The following SLC25A53 variants were observed in gnomAD, a reference collection of about 807,000 sequenced individuals.
The protein encoded by SLC25A53 is solute carrier family 25 member 53.
Under a neutral mutation model 15.0 loss-of-function variants are expected in SLC25A53, and 5 were observed. That is an observed-to-expected ratio of 0.33 (90% confidence interval 0.17 to 0.70). SLC25A53 has a LOEUF of 0.70. SLC25A53 is among the 30% of genes least tolerant of loss of function. The pLI is 0.67. For missense variants in SLC25A53, 216 were observed against 241.6 expected (o/e 0.89, Z 0.70); for synonymous variants, 95 against 100.0 (o/e 0.95, Z 0.30).
chrX:104,107,482 A>T (rs369138764), intron 1 of SLC25A53, among the ~76,000 whole-genome samples: 1 of 112,305 alleles, frequency 8.9e-6, no homozygotes, highest in East Asian at 2.8e-4. Flanking sequence ...ATTTCTCCAG[A>T]GCCAAAGGGG....
intron 1 of SLC25A53, among the ~76,000 whole-genome samples, chrX:104,117,965 T>TC (rs113106743): frequency 0.057 from 6,339 of 110,647 alleles, 470 homozygotes; most frequent in African/African-American, 0.2. Flanking sequence ...CCCCTTTCCT[T>TC]CCCCCCCATC....
chrX:104,114,043 C>G, intron 1 of SLC25A53: 1 of 1,200,499 alleles, frequency 8.3e-7, no homozygotes, highest in Non-Finnish European at 1.1e-6. Flanking sequence ...TTTGGAGAAT[C>G]CTGCAGATAA....
In SLC25A53 at chrX:104,101,410, C is replaced by T. The variant is rs2075279846; in HGVS notation, c.*2924G>A. 1 of 111,861 alleles carries T rather than the reference C, an allele frequency of 8.9e-6. No individual in the cohort carries two copies. Among genetic ancestry groups the T allele is most frequent in the African/African-American group, 3.3e-5 (1 of 30,720 alleles). 9.2% of individuals were successfully genotyped at this position (111,861 alleles called of 1,213,427 possible). On this transcript the variant is annotated 3_prime_UTR_variant, in exon 2 of 2. Coordinates refer to ENST00000594199, the MANE Select transcript of SLC25A53 (RefSeq NM_001012755.5). ...GGGAATGAGGCTGTTAAGTCCCAAC[C>T]CTCTAATGGTGCCTTGGTCTTCCTG...
In SLC25A53 at chrX:104,104,961, A is replaced by G. The variant is rs2075300603; in HGVS notation, c.297T>C (p.Tyr99=). ...GAGAGAGAAAGCACAGCAGGCTATC[A>G]TAAGTCCCAAACAGAAGAGTCCCTT... ...TLQGTLLFGT[Y]DSLLCFLSPV... Residue 99 remains tyrosine (Y), a synonymous_variant, in exon 2 of 2, where the codon TAT becomes TAC. Coordinates refer to ENST00000594199, the MANE Select transcript of SLC25A53 (RefSeq NM_001012755.5). 3 of 1,211,612 alleles carry G rather than the reference A, an allele frequency of 2.5e-6. No individual in the cohort carries two copies. Among genetic ancestry groups the G allele is most frequent in the Non-Finnish European group, 3.3e-6 (3 of 895,525 alleles).
rs1304400645 is a variant in SLC25A53, at chrX:104,104,766, A to G, written c.492T>C (p.Tyr164=). The stretch of plus-strand genomic sequence containing the variant: ...CCAGTGACAGCCGCCCCCAAAGCCC[A>G]TAAGAATTGAATTCCTTGAGAATGC... ...TFSILKEFNS[Y]GLWGRLSLGY... is the part of the protein sequence containing the mutation. The change falls in exon 2 of 2, where the codon TAT becomes TAC. Residue 164 remains tyrosine (Y), a synonymous_variant. Transcript: ENST00000594199. 12 of 1,211,713 alleles carry G rather than the reference A, an allele frequency of 9.9e-6. No individual in the cohort carries two copies. The highest frequency in any genetic ancestry group is 8.7e-5 in the African/African-American group (5 of 57,767).
chrX:104,126,305 G>A lies in SLC25A53; in HGVS notation c.-31-21017C>T, dbSNP rs1049466867. Among the ~76,000 whole-genome samples the A allele has an allele frequency of 4.5e-5, 5 of 109,941 alleles. No individual in the cohort carries two copies. In the Admixed American group the frequency reaches 4.9e-4, roughly 11 times the overall value. Reference sequence around the variant, plus strand: ...GTCTGGGCAAAAGCACTTGTTAGGAGGAGATAGAAAAGGAAAAGAAACTCT... The same window carrying A: ...GTCTGGGCAAAAGCACTTGTTAGGAAGAGATAGAAAAGGAAAAGAAACTCT... On this transcript the variant is annotated intron_variant, in intron 1 of 1. Coordinates refer to ENST00000594199, the MANE Select transcript of SLC25A53 (RefSeq NM_001012755.5).
At chrX:104,116,693 C>A (rs1277089971) in intron 1 of SLC25A53, among the ~76,000 whole-genome samples, 1 of 111,204 alleles carries the variant, frequency 9.0e-6, no homozygotes, top group Admixed American at 9.5e-5. Context: ...AGGGTCTAGG[C>A]TGAGGCCCCC....
At chrX:104,154,660 C>T (rs1346025028) in intron 1 of SLC25A53, among the ~76,000 whole-genome samples, 1 of 111,981 alleles carries the variant, frequency 8.9e-6, no homozygotes, top group African/African-American at 3.2e-5. Context: ...CTTCAAAAAT[C>T]AGGAAAATCT....
chrX:104,147,993 C>T (rs782073697), intron 1 of SLC25A53, among the ~76,000 whole-genome samples: 15 of 111,902 alleles, frequency 1.3e-4, no homozygotes, highest in African/African-American at 3.9e-4. Context: ...TATAAAGACA[C>T]GTGCACACGT....
chrX:104,156,055 CA>C (rs11323988), intron 1 of SLC25A53, among the ~76,000 whole-genome samples: 4,601 of 34,001 alleles, frequency 0.14, 365 homozygotes, highest in African/African-American at 0.32. Flanking sequence ...GACTCCTTAT[CA>C]AAAAAAAAAA....
intron 1 of SLC25A53, among the ~76,000 whole-genome samples, chrX:104,132,450 C>A (rs1456476201): frequency 8.9e-6 from 1 of 112,169 alleles, no homozygotes; most frequent in African/African-American, 3.2e-5. Context: ...CAAGCCTCAT[C>A]ATCTGGATCT....
chrX:104,109,242 G>T (rs1208682158), intron 1 of SLC25A53, among the ~76,000 whole-genome samples: 1 of 111,557 alleles, frequency 9.0e-6, no homozygotes, highest in Non-Finnish European at 1.9e-5. Flanking sequence ...GCCCATTTAA[G>T]ATGAGGACCA....
chrX:104,129,344 A>G (rs1556365027), intron 1 of SLC25A53, among the ~76,000 whole-genome samples: 1 of 111,670 alleles, frequency 9.0e-6, no homozygotes, highest in African/African-American at 3.3e-5. Flanking sequence ...AGACAGCGTT[A>G]TAACTCATGC....
intron 1 of SLC25A53, chrX:104,114,776 G>T: frequency 8.3e-7 from 1 of 1,211,706 alleles, no homozygotes; most frequent in Non-Finnish European, 1.1e-6. Flanking sequence ...GAAGAGGATT[G>T]GGATGATGCT....
chrX:104,111,835 T>C (rs1556358951), intron 1 of SLC25A53, among the ~76,000 whole-genome samples: 1 of 112,429 alleles, frequency 8.9e-6, no homozygotes, highest in Non-Finnish European at 1.9e-5. Context: ...GCTCAGTTTC[T>C]TCATCTGTGA....
At position 104,146,241 on chromosome X, in the gene SLC25A53, A is replaced by C. The variant is rs372422506; in HGVS notation, c.-32+10637T>G. ...CTCAATAGATGCAGAAAAGGCCTTT[A>C]ACAAAATTCAACAGCCCTTCATGCT... On this transcript the variant is annotated intron_variant, in intron 1 of 1. Transcript: ENST00000594199. 3.6e-4 allele frequency among the ~76,000 whole-genome samples: 40 copies of C among 112,172 alleles called. No individual in the cohort carries two copies. In the East Asian group the frequency reaches 0.011, roughly 30 times the overall value.
rs2075292335 is a variant in SLC25A53 at position 104,103,788 on chromosome X, T to C, written c.*546A>G. 1 of 113,042 alleles carries C rather than the reference T, an allele frequency of 8.8e-6. No homozygotes were observed. Among genetic ancestry groups the C allele is most frequent in the South Asian group, 3.7e-4 (1 of 2,708 alleles). The allele number at this position is 113,042 out of a possible 1,213,427, so 9.3% of individuals were successfully genotyped here. On this transcript the variant is annotated 3_prime_UTR_variant, in exon 2 of 2. Coordinates refer to ENST00000594199, the MANE Select transcript of SLC25A53 (RefSeq NM_001012755.5). ...GAGTTCATGCAAGCCTAATTTAGGA[T>C]TTCCAGCCACAGCTGCTACCCTGAA... is the stretch of plus-strand genomic sequence containing the variant.
At chrX:104,119,405 A>G in intron 1 of SLC25A53, among the ~76,000 whole-genome samples, 1 of 112,287 alleles carries the variant, frequency 8.9e-6, no homozygotes, top group African/African-American at 3.2e-5. Flanking sequence ...GAAAAGACTG[A>G]TAACTCAGAA....
At chrX:104,114,337 A>G (rs1556360378) in intron 1 of SLC25A53, 1 of 1,209,516 alleles carries the variant, frequency 8.3e-7, no homozygotes, top group African/African-American at 1.8e-5. Flanking sequence ...GCCAGATTGG[A>G]GTATGTCTGA....
Sources: gnomAD v4.1 joint callset for allele counts (sites outside exome capture counted in the v4.1 genomes callset) on GRCh38, gnomAD v4.1.1 for gene constraint, MANE v1.5 for transcripts, NCBI Gene and HGNC (gene_info 2026-07-23, HGNC 2026-07-21) for gene names.